Variants in LEPR observed in about 807,000 individuals in gnomAD.
The protein encoded by LEPR is leptin receptor, also known as OB receptor.
Under a neutral mutation model 114.7 loss-of-function variants are expected in LEPR, and 56 were observed. The observed-to-expected ratio is 0.49, with a 90% CI of 0.39 to 0.61. LEPR has a LOEUF of 0.61. LEPR is among the 20% of genes least tolerant of loss of function. LEPR has a pLI of 0.00. For missense variants in LEPR, 1,202 were observed against 1,352.9 expected (o/e 0.89, Z 1.75); for synonymous variants, 443 against 461.4 (o/e 0.96, Z 0.51).
chr1:65,425,579 G>A (rs1381306235), intron 2 of LEPR, among the ~76,000 whole-genome samples: 1 of 152,172 alleles, frequency 6.6e-6, no homozygotes, highest in African/African-American at 2.4e-5. Context: ...CATTCCATAA[G>A]CATTTGTTTA....
At chr1:65,570,852 T>G (rs200514182) in intron 4 of LEPR, 50 bp downstream of exon 4, 1 of 1,428,176 alleles carries the variant, frequency 7.0e-7, no homozygotes, top group East Asian at 2.4e-5. Context: ...TTTTAATTCT[T>G]TGATACCTGT....
chr1:65,525,935 G>A, intron 2 of LEPR: 1 of 856,168 alleles, frequency 1.2e-6, no homozygotes, highest in Non-Finnish European at 1.4e-6. Context: ...GGCCGCTTAG[G>A]GACTGGGAGT....
intron 2 of LEPR, among the ~76,000 whole-genome samples, chr1:65,513,817 A>T (rs190104519): frequency 6.6e-6 from 1 of 152,214 alleles, no homozygotes; most frequent in Non-Finnish European, 1.5e-5. Context: ...CTTTTCAGGT[A>T]ATATTCTAGG....
At chr1:65,597,265 A>G (rs921859916) in intron 7 of LEPR, among the ~76,000 whole-genome samples, 9 of 152,090 alleles carry the variant, frequency 5.9e-5, no homozygotes, top group Non-Finnish European at 1.3e-4. Context: ...ACCCACCACA[A>G]GACCCCATTG....
chr1:65,496,926 G>T (rs765253121), intron 2 of LEPR, among the ~76,000 whole-genome samples: 13 of 151,754 alleles, frequency 8.6e-5, no homozygotes, highest in Non-Finnish European at 1.5e-4. Context: ...CATTCAACAG[G>T]ATCTCCAGGT....
rs140377517 is a variant in LEPR at position 65,510,711 on chromosome 1, A to G, written c.-20-54835A>G. ...TCAGGCTCTGAAGATTAAGAGAGCT[A>G]TCCCACGTTAGCGGGAAAAGGAAAG... On this transcript the variant is annotated intron_variant, in intron 2 of 19. Transcript: ENST00000349533. 4.0e-3 allele frequency among the ~76,000 whole-genome samples: 613 copies of G among 152,302 alleles called. 3 individuals are homozygous for G. Among genetic ancestry groups the G allele is most frequent in the Non-Finnish European group, 6.9e-3 (468 of 68,026 alleles).
chr1:65,528,843 C>T (rs1012918689), intron 2 of LEPR, among the ~76,000 whole-genome samples: 24 of 152,126 alleles, frequency 1.6e-4, no homozygotes, highest in African/African-American at 5.8e-4. Context: ...CTTGCTCTGT[C>T]GCCCAGGTTG....
intron 14 of LEPR, 76 bp from the exon 15 acceptor site, chr1:65,615,932 A>G: frequency 2.5e-6 from 4 of 1,586,298 alleles, no homozygotes; most frequent in East Asian, 2.3e-5. Context: ...GAAATGTAGA[A>G]TGAGAGTTAT....
intron 19 of LEPR, among the ~76,000 whole-genome samples, chr1:65,625,387 T>C (rs17127815): frequency 0.22 from 34,002 of 152,118 alleles, 4,154 homozygotes; most frequent in South Asian, 0.33. Context: ...GTCACTATAG[T>C]ATGCCCTGGC....
intron 5 of LEPR, among the ~76,000 whole-genome samples, chr1:65,587,237 G>T (rs1371550669): frequency 1.3e-5 from 2 of 151,950 alleles, no homozygotes; most frequent in Non-Finnish European, 1.5e-5. Context: ...ATAATACCTT[G>T]CAAGAATGTT....
intron 12 of LEPR, 141 bp from the exon 13 acceptor site, chr1:65,609,806 C>A: frequency 1.7e-6 from 2 of 1,200,646 alleles, no homozygotes; most frequent in Non-Finnish European, 2.4e-6. Context: ...CTAATTGTGA[C>A]TATTTCTGAA....
At chr1:65,533,670 G>C (rs1650560062) in intron 2 of LEPR, among the ~76,000 whole-genome samples, 3 of 151,990 alleles carry the variant, frequency 2.0e-5, no homozygotes, top group African/African-American at 7.2e-5. Context: ...TTCTTTATCT[G>C]TGTGAAATAA....
intron 1 of LEPR, chr1:65,421,557 TC>T (rs1329167748): frequency 1.2e-5 from 16 of 1,386,380 alleles, no homozygotes; most frequent in East Asian, 2.5e-5. Flanking sequence ...CCCAAAGATA[TC>T]CCCAGTTAAC....
chr1:65,603,969 T>C (rs746838832), intron 10 of LEPR, among the ~76,000 whole-genome samples: 3 of 152,206 alleles, frequency 2.0e-5, no homozygotes, highest in Non-Finnish European at 2.9e-5. Flanking sequence ...ACTAGAAAAT[T>C]ATATTCACCA....
chr1:65,420,804 C>T (rs1646230929), intron 1 of LEPR, 64 bp downstream of exon 1: 3 of 1,543,256 alleles, frequency 1.9e-6, no homozygotes, highest in Middle Eastern at 1.7e-4. Flanking sequence ...CCGGTCAAGC[C>T]TGGGGCTGCG....
intron 19 of LEPR, among the ~76,000 whole-genome samples, chr1:65,627,724 GCAAA>G (rs1196512140): frequency 6.6e-6 from 1 of 151,980 alleles, no homozygotes; most frequent in African/African-American, 2.4e-5. Flanking sequence ...GAATAAATAA[GCAAA>G]CAAACAAAAA....
chr1:65,432,329 G>A, intron 2 of LEPR: 1 of 987,554 alleles, frequency 1.0e-6, no homozygotes, highest in Non-Finnish European at 1.2e-6. Flanking sequence ...TGTAGTCCAT[G>A]CTATTAAAAG....
chr1:65,577,972 C>T (rs143697176), intron 5 of LEPR, among the ~76,000 whole-genome samples: 10 of 151,116 alleles, frequency 6.6e-5, no homozygotes, highest in Admixed American at 3.9e-4. Context: ...CTCCCACCCC[C>T]CTACAGGCCC....
chr1:65,543,818 T>C (rs947146961), intron 2 of LEPR, among the ~76,000 whole-genome samples: 2 of 151,956 alleles, frequency 1.3e-5, no homozygotes, highest in African/African-American at 2.4e-5. Flanking sequence ...TTTGGTTCCA[T>C]TGGCCTATAT....
Sources: gnomAD v4.1 joint callset for allele counts (sites outside exome capture counted in the v4.1 genomes callset) on GRCh38, gnomAD v4.1.1 for gene constraint, MANE v1.5 for transcripts, NCBI Gene and HGNC (gene_info 2026-07-23, HGNC 2026-07-21) for gene names.